Variants in MBD5 observed in about 807,000 individuals in gnomAD.
The protein encoded by MBD5 is methyl-CpG-binding domain protein 5.
A neutral mutation model predicts 117.3 loss-of-function variants in MBD5; 13 were observed. The ratio of observed to expected loss-of-function variants is 0.11; its 90% confidence interval spans 0.07 to 0.18. The LOEUF (loss-of-function observed/expected upper bound fraction) is 0.18, where lower values mean the gene tolerates loss of function less well. MBD5 is among the 10% of genes least tolerant of loss of function. The probability of loss-of-function intolerance (pLI) is 1.00; values close to 1 mark genes in which losing one functional copy is unlikely to be tolerated. For missense variants in MBD5, 1,879 were observed against 2,093.8 expected (o/e 0.90, Z 2.00); for synonymous variants, 727 against 766.4 (o/e 0.95, Z 0.85).
At chr2:148,093,751 T>C (rs55650008) in intron 1 of MBD5, among the ~76,000 whole-genome samples, 1,652 of 152,240 alleles carry the variant, frequency 0.011, 34 homozygotes, top group African/African-American at 0.037. Context: ...TATATGTTCA[T>C]TGAGATGTTG....
At chr2:148,239,017 T>TAC (rs200414694) in intron 3 of MBD5, among the ~76,000 whole-genome samples, 1 of 96,608 alleles carries the variant, frequency 1.0e-5, no homozygotes, top group South Asian at 3.3e-4. Context: ...ATATATATTA[T>TAC]ATACACACAC....
chr2:148,360,336 T>C (rs937077716), intron 4 of MBD5, among the ~76,000 whole-genome samples: 1 of 152,188 alleles, frequency 6.6e-6, no homozygotes, highest in Non-Finnish European at 1.5e-5. Flanking sequence ...CATTTATTTT[T>C]AGTATATGTT....
At chr2:148,264,951 C>G (rs2106317489) in intron 3 of MBD5, 1 of 152,166 alleles carries the variant, frequency 6.6e-6, no homozygotes, top group Admixed American at 6.5e-5. Flanking sequence ...AATCAAATAA[C>G]TAGGAAAGGG....
intron 4 of MBD5, among the ~76,000 whole-genome samples, chr2:148,439,062 T>C (rs577253985): frequency 4.9e-4 from 75 of 152,246 alleles, no homozygotes; most frequent in African/African-American, 1.7e-3. Context: ...CCACACTTAA[T>C]TTCCAAATAA....
chr2:148,434,491 CT>C (rs537944873), intron 4 of MBD5, among the ~76,000 whole-genome samples: 83 of 151,410 alleles, frequency 5.5e-4, no homozygotes, highest in Non-Finnish European at 9.2e-4. Context: ...AGTTTTCCCA[CT>C]TTTTGATTAT....
Position 148,139,392 on chromosome 2 carries a change from G to T in MBD5, c.-924-39308G>T, listed in dbSNP as rs376410249. 1.9e-3 allele frequency among the ~76,000 whole-genome samples: 288 copies of T among 152,204 alleles called. 8 individuals carry two copies. The Middle Eastern group carries it at 0.024, about 13-fold the overall frequency. On this transcript the variant is annotated intron_variant, in intron 1 of 13. Coordinates refer to ENST00000642680, the MANE Select transcript of MBD5 (RefSeq NM_001378120.1). The stretch of plus-strand genomic sequence containing the variant: ...CAGCTAATTTTGTATTTTTAGTAGA[G>T]ACGGGGTTTCTCCATGTTGGTCAAG...
chr2:148,437,856 T>C lies in MBD5; in HGVS notation c.-556-20347T>C, dbSNP rs565700656. Reference sequence around the variant, plus strand: ...ATCTGAAATACCATGACAGACAACCTAAGTCTTTTGATGAGATTAATCAAA... The same window carrying C: ...ATCTGAAATACCATGACAGACAACCCAAGTCTTTTGATGAGATTAATCAAA... On this transcript the variant is annotated intron_variant, in intron 4 of 13. Transcript: ENST00000642680. 3.3e-5 allele frequency among the ~76,000 whole-genome samples: 5 copies of C among 152,308 alleles called. 1 individual carries two copies. In the South Asian group the frequency reaches 1.0e-3, roughly 32 times the overall value.
At chr2:148,203,838 G>A (rs1001527867) in intron 2 of MBD5, among the ~76,000 whole-genome samples, 4 of 151,968 alleles carry the variant, frequency 2.6e-5, no homozygotes, top group African/African-American at 4.8e-5. Flanking sequence ...TTATGTGTAC[G>A]ATCAGAGAAT....
At chr2:148,081,022 A>G (rs1304498514) in intron 1 of MBD5, among the ~76,000 whole-genome samples, 1 of 152,194 alleles carries the variant, frequency 6.6e-6, no homozygotes, top group Non-Finnish European at 1.5e-5. Context: ...AAATGTTTCA[A>G]CGGCACTTAT....
intron 8 of MBD5, among the ~76,000 whole-genome samples, chr2:148,476,886 T>C (rs1680982973): frequency 6.6e-6 from 1 of 152,164 alleles, no homozygotes; most frequent in Admixed American, 6.6e-5. Flanking sequence ...GTGTTTTAAC[T>C]GTTAGGTACT....
In MBD5 at chr2:148,078,297, T is replaced by C. The variant is rs182920567; in HGVS notation, c.-925+56613T>C. On this transcript the variant is annotated intron_variant, in intron 1 of 13. Coordinates refer to ENST00000642680, the MANE Select transcript of MBD5 (RefSeq NM_001378120.1). The stretch of plus-strand genomic sequence containing the variant: ...TCAAAAATGACAGCCCTGGCTCAGG[T>C]CTGTGACTCCAGTAACTCTAACCAG... 3.8e-3 allele frequency among the ~76,000 whole-genome samples: 574 copies of C among 152,242 alleles called. 2 individuals carry two copies. Among genetic ancestry groups the C allele is most frequent in the Non-Finnish European group, 5.5e-3 (377 of 67,980 alleles).
At chr2:148,099,713 G>T (rs1201457722) in intron 1 of MBD5, among the ~76,000 whole-genome samples, 1 of 152,114 alleles carries the variant, frequency 6.6e-6, no homozygotes, top group African/African-American at 2.4e-5. Context: ...TATATTTTGG[G>T]TGTTCTTAAT....
chr2:148,103,450 C>G (rs1189975551), intron 1 of MBD5, among the ~76,000 whole-genome samples: 2 of 152,148 alleles, frequency 1.3e-5, no homozygotes, highest in Non-Finnish European at 2.9e-5. Flanking sequence ...CTCTCCGAAG[C>G]TCATCACTGA....
intron 3 of MBD5, among the ~76,000 whole-genome samples, chr2:148,291,381 A>AT (rs999132227): frequency 1.3e-5 from 2 of 152,174 alleles, no homozygotes; most frequent in African/African-American, 4.8e-5. Flanking sequence ...TTTCACTGAT[A>AT]TTTTGTAGTT....
intron 11 of MBD5, among the ~76,000 whole-genome samples, chr2:148,492,763 A>G (rs972463426): frequency 2.0e-5 from 3 of 151,978 alleles, no homozygotes; most frequent in Non-Finnish European, 4.4e-5. Flanking sequence ...GTAAAAATTC[A>G]AACAGAGGTC....
At chr2:148,282,570 G>GTATA (rs560640635) in intron 3 of MBD5, among the ~76,000 whole-genome samples, 1 of 150,088 alleles carries the variant, frequency 6.7e-6, no homozygotes. Flanking sequence ...GTGTGTGTGT[G>GTATA]TATATATATA....
chr2:148,109,832 T>G (rs1696466487), intron 1 of MBD5, among the ~76,000 whole-genome samples: 1 of 152,306 alleles, frequency 6.6e-6, no homozygotes, highest in South Asian at 2.1e-4. Context: ...TAAAAATAGA[T>G]AACATACCAT....
chr2:148,327,553 T>C (rs1328072528), intron 3 of MBD5, among the ~76,000 whole-genome samples: 1 of 152,062 alleles, frequency 6.6e-6, no homozygotes, highest in African/African-American at 2.4e-5. Flanking sequence ...TTTTATTCTT[T>C]TTTCTCTAAA....
chr2:148,082,398 G>T (rs1695668203), intron 1 of MBD5, among the ~76,000 whole-genome samples: 1 of 152,004 alleles, frequency 6.6e-6, no homozygotes, highest in African/African-American at 2.4e-5. Flanking sequence ...AACTCTTCAG[G>T]TCTATGCCAT....
Sources: gnomAD v4.1 joint callset for allele counts (sites outside exome capture counted in the v4.1 genomes callset) on GRCh38, gnomAD v4.1.1 for gene constraint, MANE v1.5 for transcripts, NCBI Gene and HGNC (gene_info 2026-07-23, HGNC 2026-07-21) for gene names.